Variants in MELTF observed in about 807,000 individuals in gnomAD.
The protein encoded by MELTF is antigen p97 (melanoma associated) identified by monoclonal antibodies 133.2 and 96.5.
Under a neutral mutation model 83.7 loss-of-function variants are expected in MELTF, and 67 were observed. The ratio of observed to expected loss-of-function variants is 0.80; its 90% CI spans 0.66 to 0.98. MELTF has a LOEUF of 0.98. Among genes scored for constraint, MELTF ranks in the 50% least tolerant of loss-of-function variants. The pLI is 0.00. For synonymous variants in MELTF, 462 were observed against 447.6 expected, an observed-to-expected ratio of 1.03 and a Z score of -0.41; for missense variants, 1,002 against 1,035.6, an observed-to-expected ratio of 0.97 and a Z score of 0.44.
chr3:197,029,517 C>T lies in MELTF; in HGVS notation c.49+137G>A. On this transcript the variant is annotated intron_variant, in intron 1 of 15. Transcript: ENST00000296350. The surrounding 1 kb of genome is among the most constrained non-coding windows in gnomAD (Gnocchi z 6.5). ...AGTTCCCTCCGCCGTCCTCACTCGACCCCGAGCCCCTGCCTCCCCCGTCTC... is the reference window on the plus strand; with the variant it reads ...AGTTCCCTCCGCCGTCCTCACTCGATCCCGAGCCCCTGCCTCCCCCGTCTC... 8.0e-6 allele frequency: 5 copies of T among 624,794 alleles called. No individual in the cohort carries two copies. In the South Asian group the frequency reaches 4.2e-4, roughly 52 times the overall value. 38.7% of individuals were successfully genotyped at this position (624,794 alleles called of 1,614,324 possible).
chr3:197,004,502 C>G (rs1718907106), intron 14 of MELTF: 1 of 236,204 alleles, frequency 4.2e-6, no homozygotes, highest in East Asian at 1.2e-4. Context: ...AGATATCTCC[C>G]CACAAACCTA....
intron 3 of MELTF, among the ~76,000 whole-genome samples, chr3:197,025,266 T>C (rs918130837): frequency 2.0e-5 from 3 of 152,222 alleles, no homozygotes; most frequent in Non-Finnish European, 2.9e-5. Context: ...CAGAATGAAG[T>C]TGAGTTCTAG....
chr3:197,008,713 TCCA>T lies in MELTF; in HGVS notation c.1691_1693del (p.Val564del), dbSNP rs778345725. 26 of 1,613,938 alleles carry T rather than the reference TCCA, an allele frequency of 1.6e-5. 1 individual carries two copies. The African/African-American group carries it at 2.8e-4, about 17-fold the overall frequency. ...GACGAAGGCAACGTCACCCGCATTC[TCCA>T]CCAGGCACCTGCCACACAGAGGGCA... On this transcript the variant is annotated inframe_deletion, in exon 13 of 16. Transcript: ENST00000296350. This position sits in a 1 kb window ranked among gnomAD's most constrained non-coding sequence, Gnocchi z 5.4.
chr3:197,023,752 T>C (rs532440908), intron 4 of MELTF: 287 of 446,124 alleles, frequency 6.4e-4, no homozygotes, highest in Non-Finnish European at 1.1e-3. Flanking sequence ...CCCAGAGGAG[T>C]AGATATTTAA....
rs774892741 is a variant in MELTF, at chr3:197,009,811, C to T, written c.1332G>A (p.Pro444=). The change falls in exon 11 of 16, where the codon CCG becomes CCA. Residue 444 remains proline, a splice_region_variant and synonymous_variant. Transcript: ENST00000296350. The part of the protein sequence containing the change: ...LVPAAGEHYA[P]EDSSNSYYVV... ...CGTAGTACGAGTTGCTGCTGTCTTC[C>T]GCTGGGGAGAGAGGGACTCACGTGA... 1.2e-5 allele frequency: 19 copies of T among 1,607,540 alleles called. No homozygotes were observed. The highest frequency in any genetic ancestry group is 5.5e-5 in the South Asian group (5 of 90,994).
intron 6 of MELTF, chr3:197,019,921 G>T: frequency 7.2e-7 from 1 of 1,380,834 alleles, no homozygotes. Flanking sequence ...TTTGCTGCTT[G>T]CTGGCAGGTG....
chr3:197,010,368 G>C (rs1359966150), intron 10 of MELTF, among the ~76,000 whole-genome samples: 1 of 152,262 alleles, frequency 6.6e-6, no homozygotes, highest in East Asian at 1.9e-4. Flanking sequence ...CAAACTACGA[G>C]GCCTGCTCTT....
At chr3:197,016,083 G>A (rs1560216540) in intron 8 of MELTF, 106 bp downstream of exon 8, 4 of 994,144 alleles carry the variant, frequency 4.0e-6, no homozygotes, top group South Asian at 2.0e-5. Context: ...TTCCCGCAGA[G>A]GCCTCCCTGG....
rs750848387 is a variant in MELTF, at chr3:197,024,285, C to T, written c.487+18G>A. The T allele has an allele frequency of 1.3e-6, 2 of 1,541,090 alleles. No individual in the cohort carries two copies. Among genetic ancestry groups the T allele is most frequent in the Non-Finnish European group, 8.8e-7 (1 of 1,140,844 alleles). On this transcript the variant is annotated intron_variant, in intron 4 of 15. Transcript: ENST00000296350. This position sits in a 1 kb window ranked among gnomAD's most constrained non-coding sequence, Gnocchi z 5.3. ...GGGGGAGGCCTGGGGACCCTCCTGCCCAGCCCAAAGCCCTCACCTTTGAGT... is the reference window on the plus strand; with the variant it reads ...GGGGGAGGCCTGGGGACCCTCCTGCTCAGCCCAAAGCCCTCACCTTTGAGT...
Position 197,002,516 on chromosome 3 carries a change from C to A in MELTF, c.*856G>T, listed in dbSNP as rs1241795172. On this transcript the variant is annotated 3_prime_UTR_variant, in exon 16 of 16. Coordinates refer to ENST00000296350, the MANE Select transcript of MELTF (RefSeq NM_005929.6). ...GACGGAGCTCACCCCCGTTCGGAAC[C>A]CAGAAGCATGGCGGGTCCCCACGCG... The A allele has an allele frequency of 6.6e-6, 1 of 152,224 alleles. No homozygotes were observed. The highest frequency in any genetic ancestry group is 6.5e-5 in the Admixed American group (1 of 15,288). 9.4% of individuals were successfully genotyped at this position (152,224 alleles called of 1,614,324 possible). A position where few individuals can be genotyped will look rare whatever the true frequency, so the allele number is the denominator to read the frequency against.
In MELTF at chr3:197,027,793, C is replaced by T. The variant is rs372400483; in HGVS notation, c.167G>A (p.Arg56Gln). The change falls in exon 2 of 16, where the codon CGG (arginine) becomes CAG (glutamine). Residue 56 changes from arginine (R) to glutamine (Q), a missense_variant. Coordinates refer to ENST00000296350, the MANE Select transcript of MELTF (RefSeq NM_005929.6). ...AGIQPSLLCV[R>Q]GTSADHCVQL... Reference sequence around the variant, plus strand: ...GACGCAGTGGTCGGCGGAGGTGCCCCGGACGCAGAGGAGGGAGGGCTGGAT... The same window carrying T: ...GACGCAGTGGTCGGCGGAGGTGCCCTGGACGCAGAGGAGGGAGGGCTGGAT... 5.0e-5 allele frequency: 80 copies of T among 1,610,670 alleles called. No individual in the cohort carries two copies. The highest frequency in any genetic ancestry group is 6.7e-5 in the East Asian group (3 of 44,762).
chr3:197,013,918 C>G (rs1007596271), intron 9 of MELTF, among the ~76,000 whole-genome samples: 2 of 152,224 alleles, frequency 1.3e-5, no homozygotes, highest in African/African-American at 4.8e-5. Context: ...TAAACCCGGA[C>G]AGCCGCTATG....
At chr3:197,009,058 C>T (rs9823897) in intron 11 of MELTF, 93 bp from the exon 12 acceptor site, 2 of 1,477,868 alleles carry the variant, frequency 1.4e-6, no homozygotes, top group Non-Finnish European at 1.9e-6. Flanking sequence ...CTGCCCACCC[C>T]CCGGATCCTA....
chr3:197,028,332 A>C, intron 1 of MELTF: 1 of 163,578 alleles, frequency 6.1e-6, no homozygotes, highest in Non-Finnish European at 1.3e-5. Flanking sequence ...GGCCTTCCTC[A>C]TGAACTGGGA....
rs750848387 is a variant in MELTF, at chr3:197,024,285, C to A, written c.487+18G>T. On this transcript the variant is annotated intron_variant, in intron 4 of 15. Coordinates refer to ENST00000296350, the MANE Select transcript of MELTF (RefSeq NM_005929.6). This position sits in a 1 kb window ranked among gnomAD's most constrained non-coding sequence, Gnocchi z 5.3. ...GGGGGAGGCCTGGGGACCCTCCTGC[C>A]CAGCCCAAAGCCCTCACCTTTGAGT... is the stretch of plus-strand genomic sequence containing the variant. The A allele has an allele frequency of 3.2e-6, 5 of 1,541,090 alleles. No individual in the cohort carries two copies. The Admixed American group carries it at 5.9e-5, about 18-fold the overall frequency.
rs375548560 is a variant in MELTF, at chr3:197,027,209, G to C, written c.205-450C>G. 3.3e-4 allele frequency: 66 copies of C among 197,624 alleles called. No individual in the cohort carries two copies. The East Asian group carries it at 5.7e-3, about 17-fold the overall frequency. 12.2% of individuals were successfully genotyped at this position (197,624 alleles called of 1,614,324 possible). A position where few individuals can be genotyped will look rare whatever the true frequency, so the allele number is the denominator to read the frequency against. On this transcript the variant is annotated intron_variant, in intron 2 of 15. Transcript: ENST00000296350. ...CCAGTGTGGGCCTGTGATTGGATTA[G>C]GTCTTGGGGGCATATGGGGGGCAGA... is the stretch of plus-strand genomic sequence containing the variant.
Position 197,006,803 on chromosome 3 carries a change from C to T in MELTF, c.1751-67G>A. The stretch of plus-strand genomic sequence containing the variant: ...TGGAGAGAAGTGTAAAGAGAAGCTG[C>T]TATCCTGGGACCCCAAGGCCTTCAC... On this transcript the variant is annotated intron_variant, in intron 13 of 15. Transcript: ENST00000296350. This position sits in a 1 kb window ranked among gnomAD's most constrained non-coding sequence, Gnocchi z 5.4. 1 of 1,385,048 alleles carries T rather than the reference C, an allele frequency of 7.2e-7. No individual in the cohort carries two copies. The highest frequency in any genetic ancestry group is 9.4e-7 in the Non-Finnish European group (1 of 1,059,026). The allele number at this position is 1,385,048 out of a possible 1,614,324, so 85.8% of individuals were successfully genotyped here. A position where few individuals can be genotyped will look rare whatever the true frequency, so the allele number is the denominator to read the frequency against.
rs191225820 is a variant in MELTF at position 197,006,153 on chromosome 3, G to A, written c.1938+396C>T. Among the ~76,000 whole-genome samples the A allele has an allele frequency of 1.3e-4, 20 of 152,010 alleles. No homozygotes were observed. The highest frequency in any genetic ancestry group is 4.1e-4 in the African/African-American group (17 of 41,376). ...GGAGAATGGCGTGAACCCGGGAGGC[G>A]GAGCTTGCAGTGAGCCGAGATAGTG... On this transcript the variant is annotated intron_variant, in intron 14 of 15. Coordinates refer to ENST00000296350, the MANE Select transcript of MELTF (RefSeq NM_005929.6). This position sits in a 1 kb window ranked among gnomAD's most constrained non-coding sequence, Gnocchi z 5.4.
intron 6 of MELTF, among the ~76,000 whole-genome samples, chr3:197,017,606 G>C (rs569421214): frequency 8.4e-4 from 128 of 152,340 alleles, no homozygotes; most frequent in African/African-American, 3.0e-3. Context: ...GGCCGGGCGT[G>C]GTGGCTCACG....
Sources: allele counts gnomAD v4.1 joint callset (sites outside exome capture counted in the v4.1 genomes callset), GRCh38; gene constraint gnomAD v4.1.1; non-coding constraint Gnocchi (gnomAD v3.1); transcripts MANE v1.5; gene names NCBI Gene and HGNC (gene_info 2026-07-23, HGNC 2026-07-21).